AGBL4: variants seen among roughly 807,000 people sequenced by gnomAD.
The protein encoded by AGBL4 is AGBL carboxypeptidase 4.
In AGBL4, 58 loss-of-function variants were observed where a neutral mutation model predicts 66.4. That is an observed-to-expected ratio of 0.87 (90% CI 0.71 to 1.09). The LOEUF is 1.09. Ranked by LOEUF, AGBL4 falls within the 50% of genes least tolerant of loss-of-function variation. The pLI is 0.00. For synonymous variants in AGBL4, 234 were observed against 222.9 expected, an observed-to-expected ratio of 1.05 and a Z score of -0.44; for missense variants, 579 against 631.0, an observed-to-expected ratio of 0.92 and a Z score of 0.88.
chr1:49,375,563 A>C (rs1183875996), intron 3 of AGBL4, among the ~76,000 whole-genome samples: 2 of 152,098 alleles, frequency 1.3e-5, no homozygotes, highest in Admixed American at 6.6e-5. Flanking sequence ...AGGAAATGTA[A>C]ATGCATTTCC....
At chr1:49,962,571 A>T (rs1255281722) in intron 1 of AGBL4, among the ~76,000 whole-genome samples, 1 of 152,076 alleles carries the variant, frequency 6.6e-6, no homozygotes, top group Non-Finnish European at 1.5e-5. Flanking sequence ...ATGTAATAAA[A>T]CTAATAAAAT....
intron 3 of AGBL4, among the ~76,000 whole-genome samples, chr1:49,598,529 G>A (rs537723161): frequency 1.1e-4 from 17 of 152,258 alleles, no homozygotes; most frequent in East Asian, 9.7e-4. Context: ...GGAGAACAGC[G>A]GATTTTCGTG....
chr1:49,815,985 G>A (rs1473819786), intron 2 of AGBL4, among the ~76,000 whole-genome samples: 1 of 151,946 alleles, frequency 6.6e-6, no homozygotes, highest in East Asian at 1.9e-4. Flanking sequence ...CAAGCTCCTA[G>A]GCTGAAGCAA....
rs190278051 is a variant in AGBL4 at position 49,064,558 on chromosome 1, C to T, written c.378-18758G>A. ...CTAGGTCTCTACTTCCCATGGATTC[C>T]GTGAGTCCTCAATATCCTTCAAATG... On this transcript the variant is annotated intron_variant, in intron 4 of 13. Coordinates refer to ENST00000371839, the MANE Select transcript of AGBL4 (RefSeq NM_032785.4). Among the ~76,000 whole-genome samples the T allele has an allele frequency of 4.6e-5, 7 of 152,240 alleles. No individual in the cohort carries two copies. In the East Asian group the frequency reaches 9.6e-4, roughly 21 times the overall value.
chr1:49,741,955 G>A (rs1348501576), intron 2 of AGBL4, among the ~76,000 whole-genome samples: 24 of 151,988 alleles, frequency 1.6e-4, no homozygotes, highest in Admixed American at 7.2e-4. Flanking sequence ...TACTGAATGG[G>A]CAAAAACTGG....
intron 1 of AGBL4, among the ~76,000 whole-genome samples, chr1:50,010,497 A>ACACACACAC: frequency 1.8e-5 from 2 of 110,814 alleles, no homozygotes. Context: ...CACACACACA[A>ACACACACAC]CAGAGCCAAA....
At chr1:48,796,828 TG>T (rs1645686254) in intron 6 of AGBL4, among the ~76,000 whole-genome samples, 1 of 152,190 alleles carries the variant, frequency 6.6e-6, no homozygotes, top group Non-Finnish European at 1.5e-5. Flanking sequence ...AGAATGCCCC[TG>T]ATCAAGGCAC....
intron 3 of AGBL4, among the ~76,000 whole-genome samples, chr1:49,516,609 T>C (rs943380142): frequency 6.6e-6 from 1 of 151,982 alleles, no homozygotes; most frequent in Non-Finnish European, 1.5e-5. Flanking sequence ...CTGTTTTTTA[T>C]ATGAGGTGGG....
intron 3 of AGBL4, among the ~76,000 whole-genome samples, chr1:49,606,279 T>A (rs1451055886): frequency 1.3e-5 from 2 of 151,980 alleles, no homozygotes; most frequent in East Asian, 1.9e-4. Flanking sequence ...TCATGAAAAA[T>A]TCATAGCAGA....
At chr1:49,682,814 C>G (rs1646721001) in intron 3 of AGBL4, among the ~76,000 whole-genome samples, 1 of 152,200 alleles carries the variant, frequency 6.6e-6, no homozygotes, top group Non-Finnish European at 1.5e-5. Context: ...GTAGATGAAC[C>G]TGTCCTAGGA....
intron 3 of AGBL4, among the ~76,000 whole-genome samples, chr1:49,619,390 T>A (rs1043481353): frequency 3.3e-5 from 5 of 151,864 alleles, no homozygotes; most frequent in Admixed American, 3.3e-4. Flanking sequence ...GAGAATAAAA[T>A]ACCTAGGAAT....
intron 9 of AGBL4, among the ~76,000 whole-genome samples, chr1:48,630,644 C>T (rs1301312178): frequency 6.6e-6 from 1 of 152,182 alleles, no homozygotes; most frequent in African/African-American, 2.4e-5. Flanking sequence ...TCGGCACCGT[C>T]CGAATTTATT....
At chr1:48,755,730 A>G (rs550471111) in intron 6 of AGBL4, among the ~76,000 whole-genome samples, 19 of 152,258 alleles carry the variant, frequency 1.2e-4, no homozygotes, top group African/African-American at 4.6e-4. Flanking sequence ...TCAGACGCTA[A>G]TCTCTCTCCC....
rs889488484 is a variant in AGBL4, at chr1:49,621,120, A to T, written c.282+76193T>A. On this transcript the variant is annotated intron_variant, in intron 3 of 13. Coordinates refer to ENST00000371839, the MANE Select transcript of AGBL4 (RefSeq NM_032785.4). ...CAAAATTTTTTCACTTCTTTTATCT[A>T]GGTGTTAGAAATGCTTGTTCCTTTG... Among the ~76,000 whole-genome samples, 5 of 152,302 alleles carry T rather than the reference A, an allele frequency of 3.3e-5. No individual in the cohort carries two copies. The South Asian group carries it at 8.3e-4, about 25-fold the overall frequency.
chr1:49,455,725 A>T (rs891364346), intron 3 of AGBL4, among the ~76,000 whole-genome samples: 2 of 151,634 alleles, frequency 1.3e-5, no homozygotes, highest in African/African-American at 4.8e-5. Context: ...AAGGCTTCAT[A>T]TTATCTAGCC....
intron 3 of AGBL4, among the ~76,000 whole-genome samples, chr1:49,343,509 G>T (rs1248316636): frequency 1.3e-5 from 2 of 152,154 alleles, no homozygotes; most frequent in Non-Finnish European, 2.9e-5. Context: ...TAGCCACCTG[G>T]AAAGTATAAA....
chr1:49,687,788 A>G (rs866002717), intron 3 of AGBL4, among the ~76,000 whole-genome samples: 1 of 152,148 alleles, frequency 6.6e-6, no homozygotes. Context: ...AAAATAAAAA[A>G]AAAATTAAAA....
chr1:49,996,860 AT>A (rs1371768950), intron 1 of AGBL4, among the ~76,000 whole-genome samples: 2 of 152,162 alleles, frequency 1.3e-5, no homozygotes, highest in Non-Finnish European at 2.9e-5. Context: ...TTAATAGCAG[AT>A]TTTTCAGCAA....
chr1:49,130,836 T>C (rs988179613), intron 4 of AGBL4, among the ~76,000 whole-genome samples: 1 of 152,156 alleles, frequency 6.6e-6, no homozygotes, highest in Non-Finnish European at 1.5e-5. Context: ...AGTAGTTTTT[T>C]CCAATTCTGT....
Sources: allele counts gnomAD v4.1 joint callset (sites outside exome capture counted in the v4.1 genomes callset), GRCh38; gene constraint gnomAD v4.1.1; transcripts MANE v1.5; gene names NCBI Gene and HGNC (gene_info 2026-07-23, HGNC 2026-07-21).